RIPOR3: variants seen among roughly 807,000 people sequenced by gnomAD.
RIPOR3 encodes RIPOR family member 3, also known as family with sequence similarity 65 member C.
RIPOR3 carries 95 observed loss-of-function variants against 114.3 expected under a neutral mutation model. The ratio of observed to expected loss-of-function variants is 0.83; its 90% CI spans 0.70 to 0.99. The LOEUF (loss-of-function observed/expected upper bound fraction) is 0.99. Ranked by LOEUF, RIPOR3 falls within the 50% of genes least tolerant of loss-of-function variation. The pLI, the probability that RIPOR3 is intolerant of heterozygous loss-of-function variation, is 0.00. For synonymous variants in RIPOR3, 575 were observed against 543.8 expected (o/e 1.06, Z -0.80); for missense variants, 1,252 against 1,266.9 (o/e 0.99, Z 0.18).
intron 1 of RIPOR3, 56 bp from the exon 2 acceptor site, chr20:50,630,912 C>G: frequency 7.1e-7 from 1 of 1,400,052 alleles, no homozygotes; most frequent in African/African-American, 1.4e-5. Flanking sequence ...GAGTGCCGTC[C>G]GCAGGCCAGC....
chr20:50,616,638 C>T (rs1464172001), intron 3 of RIPOR3, among the ~76,000 whole-genome samples: 1 of 152,120 alleles, frequency 6.6e-6, no homozygotes, highest in Admixed American at 6.5e-5. Context: ...GCTACCGCAT[C>T]CAACCTAGTA....
chr20:50,680,660 C>G (rs1209422365), intron 1 of RIPOR3, among the ~76,000 whole-genome samples: 1 of 152,252 alleles, frequency 6.6e-6, no homozygotes, highest in Admixed American at 6.5e-5. Context: ...ACCAGAGCAG[C>G]CTCTTACGCA....
chr20:50,631,935 C>G (rs1249764944), intron 1 of RIPOR3, among the ~76,000 whole-genome samples: 1 of 152,168 alleles, frequency 6.6e-6, no homozygotes, highest in African/African-American at 2.4e-5. Context: ...TCCAGGGACC[C>G]CATTGCCCAG....
At chr20:50,628,873 G>A (rs2084717373) in intron 2 of RIPOR3, among the ~76,000 whole-genome samples, 1 of 152,212 alleles carries the variant, frequency 6.6e-6, no homozygotes, top group African/African-American at 2.4e-5. Context: ...CCAGGGAAAG[G>A]TTAGTGAGCT....
chr20:50,657,914 C>T (rs899331213), intron 1 of RIPOR3, among the ~76,000 whole-genome samples: 1 of 151,744 alleles, frequency 6.6e-6, no homozygotes, highest in African/African-American at 2.4e-5. Flanking sequence ...CACCACCATG[C>T]CTGGCTAATT....
At chr20:50,596,028 G>A (rs1249482606) in intron 15 of RIPOR3, 112 bp downstream of exon 15, 5 of 1,459,684 alleles carry the variant, frequency 3.4e-6, no homozygotes, top group South Asian at 2.5e-5. Context: ...GGGCTTCCAG[G>A]ATGCAGGTCT....
intron 1 of RIPOR3, among the ~76,000 whole-genome samples, chr20:50,667,286 C>CTTTTT (rs139859156): frequency 8.9e-5 from 6 of 67,538 alleles, no homozygotes; most frequent in African/African-American, 2.2e-4. Context: ...CTTTAAACTA[C>CTTTTT]TTTTTTTTTT....
chr20:50,683,948 G>A (rs1272387906), intron 1 of RIPOR3, among the ~76,000 whole-genome samples: 1 of 151,988 alleles, frequency 6.6e-6, no homozygotes, highest in Non-Finnish European at 1.5e-5. Context: ...AAGCGTGGTA[G>A]TGTGCACCTA....
intron 4 of RIPOR3, among the ~76,000 whole-genome samples, 173 bp from the exon 5 acceptor site, chr20:50,611,377 C>T (rs1305871458): frequency 6.6e-6 from 1 of 152,242 alleles, no homozygotes; most frequent in Non-Finnish European, 1.5e-5. Flanking sequence ...GCTGTCCACG[C>T]CAAGGACAGC....
At chr20:50,625,774 G>A (rs2084597072) in intron 2 of RIPOR3, among the ~76,000 whole-genome samples, 1 of 152,120 alleles carries the variant, frequency 6.6e-6, no homozygotes, top group Non-Finnish European at 1.5e-5. Flanking sequence ...ATCGGGGCCT[G>A]GCCCTCTCCT....
chr20:50,641,227 TGAGA>T (rs2085182530), intron 1 of RIPOR3, among the ~76,000 whole-genome samples: 1 of 151,980 alleles, frequency 6.6e-6, no homozygotes, highest in African/African-American at 2.4e-5. Flanking sequence ...TTTTTTTTTC[TGAGA>T]GAGAGACAGG....
At position 50,631,053 on chromosome 20, in the gene RIPOR3, G is replaced by C. The variant is rs1443244032; in HGVS notation, c.4-197C>G. 3.3e-5 allele frequency among the ~76,000 whole-genome samples: 5 copies of C among 152,312 alleles called. No individual in the cohort carries two copies. In the South Asian group the frequency reaches 1.0e-3, roughly 32 times the overall value. On this transcript the variant is annotated intron_variant, in intron 1 of 21. Transcript: ENST00000327979. ...GGGACCTGATGGGGGACAGTGATGG[G>C]AATGGAATTCGAACCCAGGTGTCTG...
At chr20:50,611,288 G>A (rs576960007) in intron 4 of RIPOR3, 84 bp from the exon 5 acceptor site, 48 of 1,581,002 alleles carry the variant, frequency 3.0e-5, no homozygotes, top group East Asian at 2.2e-4. Flanking sequence ...TGCTGGCGGC[G>A]CCTGAGCTCA....
In RIPOR3 at chr20:50,624,235, T is replaced by C. The variant is rs1210189879; in HGVS notation, c.123-4103A>G. On this transcript the variant is annotated intron_variant, in intron 2 of 21. Coordinates refer to ENST00000327979, the MANE Select transcript of RIPOR3 (RefSeq NM_001290268.2). ...CCCTGAGGCCCCATCACCCACCTCT[T>C]GAACCGGGCCCTCCGCAAGTTTGCC... Among the ~76,000 whole-genome samples the C allele has an allele frequency of 2.0e-5, 3 of 152,316 alleles. No individual in the cohort carries two copies. In the East Asian group the frequency reaches 5.8e-4, roughly 29 times the overall value.
intron 1 of RIPOR3, among the ~76,000 whole-genome samples, chr20:50,683,380 T>A (rs1356045167): frequency 1.3e-5 from 2 of 151,988 alleles, no homozygotes; most frequent in Non-Finnish European, 2.9e-5. Flanking sequence ...GATGGAAGTG[T>A]AGGTGGGGCT....
intron 1 of RIPOR3, among the ~76,000 whole-genome samples, chr20:50,666,189 TTTC>T (rs772073993): frequency 1.3e-3 from 28 of 20,918 alleles, no homozygotes; most frequent in East Asian, 5.8e-3. Flanking sequence ...ACCCATTTCT[TTTC>T]TTTTCTTTTC....
At chr20:50,676,347 C>T (rs2086675517) in intron 1 of RIPOR3, among the ~76,000 whole-genome samples, 1 of 152,110 alleles carries the variant, frequency 6.6e-6, no homozygotes, top group Admixed American at 6.6e-5. Flanking sequence ...TAAGCTGTAG[C>T]TGACTATAAA....
intron 16 of RIPOR3, 152 bp downstream of exon 16, chr20:50,595,217 A>T (rs1035154221): frequency 1.0e-6 from 1 of 957,142 alleles, no homozygotes; most frequent in Non-Finnish European, 1.6e-6. Context: ...CCCCACAAAG[A>T]GTGTGTATCT....
intron 2 of RIPOR3, among the ~76,000 whole-genome samples, chr20:50,628,429 G>C (rs2084700803): frequency 6.6e-6 from 1 of 152,092 alleles, no homozygotes; most frequent in African/African-American, 2.4e-5. Context: ...CCTGCTTTCT[G>C]TCCCTTAAAG....
Sources: allele counts gnomAD v4.1 joint callset (sites outside exome capture counted in the v4.1 genomes callset), GRCh38; gene constraint gnomAD v4.1.1; transcripts MANE v1.5; gene names NCBI Gene and HGNC (gene_info 2026-07-23, HGNC 2026-07-21).